The following SYTL3 variants were observed in gnomAD, a reference collection of about 807,000 sequenced individuals.
SYTL3 encodes the protein synaptotagmin like 3, also known as synaptotagmin-like protein 3.
In SYTL3, 88 loss-of-function variants were observed where a neutral mutation model predicts 82.1. The observed-to-expected ratio is 1.07, with a 90% CI of 0.90 to 1.28. The LOEUF (loss-of-function observed/expected upper bound fraction) is 1.28, where lower values mean the gene tolerates loss of function less well. Ranked by LOEUF, SYTL3 falls within the 50% of genes most tolerant of loss-of-function variation. The probability of loss-of-function intolerance (pLI) is 0.00; values close to 1 mark genes in which losing one functional copy is unlikely to be tolerated. For synonymous variants in SYTL3, 311 were observed against 289.4 expected (o/e 1.07, Z -0.76); for missense variants, 831 against 757.6 (o/e 1.10, Z -1.14).
intron 5 of SYTL3, among the ~76,000 whole-genome samples, chr6:158,675,551 C>T (rs113911533): frequency 0.014 from 2,184 of 152,244 alleles, 46 homozygotes; most frequent in African/African-American, 0.049. Context: ...CAGTGGCTCA[C>T]GCTTATAATC....
rs182526416 is a variant in SYTL3 at position 158,727,866 on chromosome 6, G to A, written c.855+2229G>A. Among the ~76,000 whole-genome samples, 53 of 152,096 alleles carry A rather than the reference G, an allele frequency of 3.5e-4. No homozygotes were observed. The East Asian group carries it at 7.9e-3, about 23-fold the overall frequency. On this transcript the variant is annotated intron_variant, in intron 11 of 17. Transcript: ENST00000611299. Reference sequence around the variant, plus strand: ...CCCCAGCCCCAACTACTCTTGATATGTGCGGCATGGTTATGACATCAGTAG... The same window carrying A: ...CCCCAGCCCCAACTACTCTTGATATATGCGGCATGGTTATGACATCAGTAG...
upstream of SYTL3, among the ~76,000 whole-genome samples, chr6:158,646,169 C>G (rs996557976): frequency 6.6e-6 from 1 of 152,018 alleles, no homozygotes; most frequent in African/African-American, 2.4e-5. Context: ...TTCTGTTGCC[C>G]GGGCTGGAAT....
Position 158,760,689 on chromosome 6 carries a change from T to G in SYTL3, c.1358T>G (p.Val453Gly). 1 of 1,614,098 alleles carries G rather than the reference T, an allele frequency of 6.2e-7. No individual in the cohort carries two copies. Among genetic ancestry groups the G allele is most frequent in the Non-Finnish European group, 8.5e-7 (1 of 1,180,002 alleles). ...SVPQSNGELT[V>G]RAKLVLPSRP... ...CCTCAGAGTAATGGAGAGCTCACAG[T>G]CCGGGCTAAGCTGGTTCTCCCTTCA... is the stretch of plus-strand genomic sequence containing the variant. Residue 453 changes from valine (V) to glycine (G), a missense_variant, in exon 15 of 18, where the codon GTC becomes GGC. Coordinates refer to ENST00000611299, the MANE Select transcript of SYTL3 (RefSeq NM_001242394.2).
intron 10 of SYTL3, among the ~76,000 whole-genome samples, chr6:158,720,914 C>T (rs1393004210): frequency 6.6e-6 from 1 of 152,204 alleles, no homozygotes; most frequent in Non-Finnish European, 1.5e-5. Flanking sequence ...ATCCCACGCA[C>T]CACAGGCTGG....
At chr6:158,708,216 G>A in intron 7 of SYTL3, 106 bp from the exon 8 acceptor site, 3 of 1,044,718 alleles carry the variant, frequency 2.9e-6, no homozygotes, top group Non-Finnish European at 4.5e-6. Flanking sequence ...TTAAAAAAAA[G>A]GCGGAGAACT....
chr6:158,760,511 C>T, intron 14 of SYTL3, 129 bp from the exon 15 acceptor site: 1 of 731,970 alleles, frequency 1.4e-6, no homozygotes, highest in Non-Finnish European at 2.4e-6. Context: ...ACGGACACAC[C>T]TGCTCCACCC....
chr6:158,690,702 T>G (rs545705281), intron 6 of SYTL3, among the ~76,000 whole-genome samples: 1 of 152,224 alleles, frequency 6.6e-6, no homozygotes, highest in Admixed American at 6.5e-5. Context: ...TATTTAAAAA[T>G]TTTTCTGATT....
chr6:158,690,220 T>C (rs190371179), intron 6 of SYTL3, among the ~76,000 whole-genome samples: 205 of 152,346 alleles, frequency 1.3e-3, no homozygotes, highest in Non-Finnish European at 1.4e-3. Context: ...GAGCAGGAGC[T>C]ATGAGTAAAG....
At chr6:158,763,682 C>T (rs558379603) in intron 17 of SYTL3, among the ~76,000 whole-genome samples, 173 bp downstream of exon 17, 61 of 152,302 alleles carry the variant, frequency 4.0e-4, no homozygotes, top group African/African-American at 1.4e-3. Flanking sequence ...AGCCATAATA[C>T]AGCCAAGTAT....
At chr6:158,647,627 C>G (rs1177782502), upstream of SYTL3, among the ~76,000 whole-genome samples, 1 of 152,206 alleles carries the variant, frequency 6.6e-6, no homozygotes, top group Admixed American at 6.5e-5. Context: ...AATTTAAAAT[C>G]GTTAAGACAT....
chr6:158,653,243 A>G (rs564138950), intron 2 of SYTL3, among the ~76,000 whole-genome samples: 98 of 152,196 alleles, frequency 6.4e-4, no homozygotes, highest in Admixed American at 1.2e-3. Flanking sequence ...GCAGTGGCTC[A>G]CACCTGTAAT....
intron 2 of SYTL3, among the ~76,000 whole-genome samples, chr6:158,659,656 A>G (rs1372512323): frequency 2.0e-5 from 3 of 152,108 alleles, no homozygotes; most frequent in Non-Finnish European, 4.4e-5. Flanking sequence ...CACCTGGGCA[A>G]TTGTCTTAGT....
At chr6:158,649,351 C>T (rs770290704), upstream of SYTL3, among the ~76,000 whole-genome samples, 1 of 152,192 alleles carries the variant, frequency 6.6e-6, no homozygotes. Flanking sequence ...CATGCTGAGA[C>T]GAGGTTGCTG....
chr6:158,713,930 G>T, intron 9 of SYTL3, 52 bp downstream of exon 9: 1 of 1,378,362 alleles, frequency 7.3e-7, no homozygotes, highest in Admixed American at 2.0e-5. Flanking sequence ...GGCCAGCCGA[G>T]CCCACTGGCC....
intron 1 of SYTL3, among the ~76,000 whole-genome samples, chr6:158,651,121 TCTC>T (rs1189041407): frequency 6.6e-6 from 1 of 152,128 alleles, no homozygotes; most frequent in Admixed American, 6.6e-5. Context: ...CAAGACTCAC[TCTC>T]CTCATCTGTA....
chr6:158,752,527 A>G (rs977081872), intron 13 of SYTL3, among the ~76,000 whole-genome samples: 2 of 152,136 alleles, frequency 1.3e-5, no homozygotes, highest in Admixed American at 6.6e-5. Flanking sequence ...TTACAAAGGA[A>G]TTGTTTGGGT....
intron 8 of SYTL3, among the ~76,000 whole-genome samples, chr6:158,709,498 G>C (rs549207410): frequency 6.6e-6 from 1 of 152,330 alleles, no homozygotes; most frequent in Non-Finnish European, 1.5e-5. Flanking sequence ...AAGTCAGGGA[G>C]TGTCTATATT....
At chr6:158,657,252 C>T (rs762425930) in intron 2 of SYTL3, among the ~76,000 whole-genome samples, 1 of 151,744 alleles carries the variant, frequency 6.6e-6, no homozygotes, top group Non-Finnish European at 1.5e-5. Context: ...ATGGTGAAAC[C>T]CTTTCTCTAC....
At chr6:158,743,031 G>A (rs892354629) in intron 11 of SYTL3, among the ~76,000 whole-genome samples, 4 of 152,176 alleles carry the variant, frequency 2.6e-5, no homozygotes, top group Admixed American at 1.3e-4. Context: ...TGACTTCGTA[G>A]CCTTGAATGC....
Sources: allele counts gnomAD v4.1 joint callset (sites outside exome capture counted in the v4.1 genomes callset), GRCh38; gene constraint gnomAD v4.1.1; transcripts MANE v1.5; gene names NCBI Gene and HGNC (gene_info 2026-07-23, HGNC 2026-07-21).